Variants in GRIN3B observed in about 807,000 individuals in gnomAD.
The protein encoded by GRIN3B is glutamate receptor ionotropic, NMDA 3B.
In GRIN3B, 77 loss-of-function variants were observed where a neutral mutation model predicts 66.0. That is an observed-to-expected ratio of 1.17 (90% CI 0.97 to 1.41). The LOEUF is 1.41. Ranked by LOEUF, GRIN3B falls within the 40% of genes most tolerant of loss-of-function variation. GRIN3B has a pLI of 0.00. For missense variants in GRIN3B, 1,787 were observed against 1,564.5 expected (o/e 1.14, Z -2.40); for synonymous variants, 823 against 749.7 (o/e 1.10, Z -1.60).
rs770781127 is a variant in GRIN3B, at chr19:1,008,683, C to T, written c.2532C>T (p.Ser844=). 2.3e-5 allele frequency: 37 copies of T among 1,606,090 alleles called. No homozygotes were observed. In the African/African-American group the frequency reaches 3.1e-4, roughly 13 times the overall value. The change falls in exon 7 of 9, where the codon AGC becomes AGT. Residue 844 remains serine (S), a synonymous_variant. Coordinates refer to ENST00000234389, the MANE Select transcript of GRIN3B (RefSeq NM_138690.3). ...TGTTGCTGTGCCTGGGCCTGGGCAGCGCTCTGCTCAGCTCGCTGGGCGAGC... is the reference window on the plus strand; with the variant it reads ...TGTTGCTGTGCCTGGGCCTGGGCAGTGCTCTGCTCAGCTCGCTGGGCGAGC... ...LFVLLCLGLG[S]ALLSSLGEHA...
chr19:1,002,859 G>C, intron 1 of GRIN3B: 1 of 370,010 alleles, frequency 2.7e-6, no homozygotes, highest in Non-Finnish European at 4.9e-6. Context: ...TATTCCATCC[G>C]GGGAATGGCA....
At chr19:1,003,827 C>A in intron 2 of GRIN3B, 105 bp downstream of exon 2, 1 of 884,798 alleles carries the variant, frequency 1.1e-6, no homozygotes, top group Non-Finnish European at 1.6e-6. Context: ...TGGCTCACGC[C>A]TGTAATCCCA....
At chr19:1,004,450 T>A in intron 2 of GRIN3B, 71 bp from the exon 3 acceptor site, 2 of 1,355,418 alleles carry the variant, frequency 1.5e-6, no homozygotes, top group South Asian at 1.3e-5. Flanking sequence ...ATCGGGCACG[T>A]GCTGGGCAGG....
chr19:1,004,608 G>C lies in GRIN3B; in HGVS notation c.1107G>C (p.Lys369Asn), dbSNP rs763153384. ...AGGTACACATGTCTCGGCACTTTAA[G>C]GTGTGGAGCCTTCGCCGGGACCCAC... ...SSQVHMSRHF[K>N]VWSLRRDPRG... Residue 369 changes from lysine to asparagine, a missense_variant, in exon 3 of 9, where the codon AAG becomes AAC. Coordinates refer to ENST00000234389, the MANE Select transcript of GRIN3B (RefSeq NM_138690.3). 2.4e-5 allele frequency: 39 copies of C among 1,605,190 alleles called. No individual in the cohort carries two copies. The South Asian group carries it at 4.3e-4, about 18-fold the overall frequency.
chr19:1,007,816 G>A lies in GRIN3B; in HGVS notation c.2199-40G>A. 1 of 1,546,246 alleles carries A rather than the reference G, an allele frequency of 6.5e-7. No homozygotes were observed. Among genetic ancestry groups the A allele is most frequent in the Non-Finnish European group, 8.7e-7 (1 of 1,145,452 alleles). On this transcript the variant is annotated intron_variant, in intron 4 of 8. Coordinates refer to ENST00000234389, the MANE Select transcript of GRIN3B (RefSeq NM_138690.3). The surrounding 1 kb of genome is among the most constrained non-coding windows in gnomAD (Gnocchi z 4.4). ...GTGAGGCGGGGGCGGGGCGTGGGGT[G>A]GGCGGGGCGATGGCTGACCCCCGCC...
At position 1,000,537 on chromosome 19, in the gene GRIN3B, G is replaced by C. The variant is rs1599453756; in HGVS notation, c.100G>C (p.Gly34Arg). ...PQPCGVLARLGGSVRLGALLP... is the reference protein window; with the variant it reads ...PQPCGVLARLRGSVRLGALLP... ...GCCGTGCGGCGTCCTGGCGCGCCTC[G>C]GGGGCTCCGTGCGCCTGGGCGCCCT... Residue 34 changes from glycine (G) to arginine (R), a missense_variant, in exon 1 of 9, where the codon GGG (glycine) becomes CGG (arginine). Transcript: ENST00000234389. 1.7e-6 allele frequency: 2 copies of C among 1,159,952 alleles called. No homozygotes were observed. The highest frequency in any genetic ancestry group is 2.1e-6 in the Non-Finnish European group (2 of 942,282). 71.9% of individuals were successfully genotyped at this position (1,159,952 alleles called of 1,614,324 possible).
rs1415690789 is a variant in GRIN3B at position 1,007,989 on chromosome 19, G to C, written c.2314+18G>C. 1.2e-6 allele frequency: 2 copies of C among 1,608,700 alleles called. No homozygotes were observed. The highest frequency in any genetic ancestry group is 2.2e-5 in the East Asian group (1 of 44,852). On this transcript the variant is annotated intron_variant, in intron 5 of 8. Coordinates refer to ENST00000234389, the MANE Select transcript of GRIN3B (RefSeq NM_138690.3). This position sits in a 1 kb window ranked among gnomAD's most constrained non-coding sequence, Gnocchi z 4.4. ...CATTGAGGGTGAGAGGCACCTGGGC[G>C]AGGCGGGGCGCCGGGGTCTCTGGGG...
chr19:1,007,839 GC>G lies in GRIN3B; in HGVS notation c.2199-12del, dbSNP rs2038771991. ...GTGGGCGGGGCGATGGCTGACCCCC[GC>G]CCCCGGCCCCAGCAGGAGCGACCCC... On this transcript the variant is annotated splice_polypyrimidine_tract_variant and intron_variant, in intron 4 of 8. Coordinates refer to ENST00000234389, the MANE Select transcript of GRIN3B (RefSeq NM_138690.3). The surrounding 1 kb of genome is among the most constrained non-coding windows in gnomAD (Gnocchi z 4.4). The G allele has an allele frequency of 8.9e-6, 14 of 1,576,792 alleles. No homozygotes were observed. The highest frequency in any genetic ancestry group is 9.5e-6 in the Non-Finnish European group (11 of 1,158,984).
At chr19:1,008,019 C>T (rs1278088430) in intron 5 of GRIN3B, 48 bp downstream of exon 5, 2 of 1,595,778 alleles carry the variant, frequency 1.3e-6, no homozygotes, top group East Asian at 4.5e-5. Context: ...CTGGGGACCT[C>T]CTGGGGGCAG....
rs764935387 is a variant in GRIN3B, at chr19:1,003,229, C to T, written c.526C>T (p.Leu176=). 1 of 1,575,118 alleles carries T rather than the reference C, an allele frequency of 6.3e-7. No individual in the cohort carries two copies. Among genetic ancestry groups the T allele is most frequent in the South Asian group, 1.2e-5 (1 of 86,470 alleles). The part of the protein sequence containing the change: ...LQAHAWEDVG[L]ALCRTQDPGG... ...GGCGCACGCCTGGGAAGACGTCGGC[C>T]TGGCCCTGTGCCGCACTCAGGACCC... is the stretch of plus-strand genomic sequence containing the variant. The change falls in exon 2 of 9, where the codon CTG becomes TTG. Residue 176 remains leucine (L), a synonymous_variant. Coordinates refer to ENST00000234389, the MANE Select transcript of GRIN3B (RefSeq NM_138690.3).
rs1242542930 is a variant in GRIN3B at position 1,009,410 on chromosome 19, C to T, written c.2940C>T (p.Pro980=). ...PAARPTGAPQ[P]GELQELERRI... ...CAAGGCCCACGGGGGCCCCCCAGCC[C>T]GGGGAGCTGCAGGAGCTGGAGCGCC... The change falls in exon 9 of 9, where the codon CCC becomes CCT. Residue 980 remains proline, a synonymous_variant. Coordinates refer to ENST00000234389, the MANE Select transcript of GRIN3B (RefSeq NM_138690.3). 23 of 1,435,510 alleles carry T rather than the reference C, an allele frequency of 1.6e-5. No individual in the cohort carries two copies. In the Admixed American group the frequency reaches 2.6e-4, roughly 16 times the overall value. 88.9% of individuals were successfully genotyped at this position (1,435,510 alleles called of 1,614,324 possible).
At chr19:1,006,485 G>T (rs550260508) in intron 3 of GRIN3B, among the ~76,000 whole-genome samples, 2 of 151,544 alleles carry the variant, frequency 1.3e-5, no homozygotes, top group African/African-American at 4.8e-5. Flanking sequence ...TCTCACTCTT[G>T]CCCAGAGCTG....
Position 1,009,454 on chromosome 19 carries a change from AGCGGCTCCGCCAGGCCCTGGT to A in GRIN3B, c.2990_3010del (p.Leu997_Arg1003del). 2 of 1,475,176 alleles carry A rather than the reference AGCGGCTCCGCCAGGCCCTGGT, an allele frequency of 1.4e-6. No individual in the cohort carries two copies. Among genetic ancestry groups the A allele is most frequent in the South Asian group, 2.6e-5 (2 of 77,436 alleles). 91.4% of individuals were successfully genotyped at this position (1,475,176 alleles called of 1,614,324 possible). ...GAGCGCCGCATCGAAGTCGCGCGTGAGCGGCTCCGCCAGGCCCTGGTGCGGCGCGGCCAGCTCCTGGCACAG... is the reference window on the plus strand; with the variant it reads ...GAGCGCCGCATCGAAGTCGCGCGTGAGCGGCGCGGCCAGCTCCTGGCACAG... On this transcript the variant is annotated inframe_deletion, in exon 9 of 9. Transcript: ENST00000234389.
At position 1,004,998 on chromosome 19, in the gene GRIN3B, C is replaced by T. The variant is rs373453216; in HGVS notation, c.1497C>T (p.Leu499=). Residue 499 remains leucine (L), a synonymous_variant, in exon 3 of 9, where the codon CTC becomes CTT. Transcript: ENST00000234389. The part of the protein sequence containing the change: ...EDTPFDFELY[L]VGDGKYGALR... ...CGCCCTTCGACTTCGAGCTGTACCT[C>T]GTGGGTGACGGCAAGTACGGCGCCC... 66 of 1,612,034 alleles carry T rather than the reference C, an allele frequency of 4.1e-5. No homozygotes were observed. Among genetic ancestry groups the T allele is most frequent in the Non-Finnish European group, 5.4e-5 (64 of 1,179,612 alleles).
chr19:1,005,784 G>T lies in GRIN3B; in HGVS notation c.2052+231G>T, dbSNP rs1237984878. ...GGAGACCAAGGCAGGCAGATCACCT[G>T]AAGTCAGGAGTCTCGAACTGGAGCC... On this transcript the variant is annotated intron_variant, in intron 3 of 8. Transcript: ENST00000234389. The surrounding 1 kb of genome is among the most constrained non-coding windows in gnomAD (Gnocchi z 5.2). Among the ~76,000 whole-genome samples, 7 of 152,156 alleles carry T rather than the reference G, an allele frequency of 4.6e-5. No homozygotes were observed. The highest frequency in any genetic ancestry group is 4.6e-4 in the Admixed American group (7 of 15,284).
rs1051757443 is a variant in GRIN3B, at chr19:1,009,593, C to T, written c.3123C>T (p.Ser1041=). The T allele has an allele frequency of 2.8e-6, 4 of 1,434,610 alleles. No homozygotes were observed. In the African/African-American group the frequency reaches 6.0e-5, roughly 21 times the overall value. The allele number at this position is 1,434,610 out of a possible 1,614,324, so 88.9% of individuals were successfully genotyped here. Residue 1041 remains serine, a synonymous_variant, in exon 9 of 9, where the codon AGC becomes AGT. Coordinates refer to ENST00000234389, the MANE Select transcript of GRIN3B (RefSeq NM_138690.3). The part of the protein sequence containing the change: ...EAPPHSGRPG[S]QE ...CACCACACTCTGGCCGACCGGGGAG[C>T]CAGGAATGAGGCGGCAGCCGGGCCG...
intron 8 of GRIN3B, 80 bp downstream of exon 8, chr19:1,009,007 G>T: frequency 6.6e-7 from 1 of 1,523,410 alleles, no homozygotes; most frequent in Non-Finnish European, 8.9e-7. Context: ...AGCCGGCCGC[G>T]GGGTGCAGGA....
intron 1 of GRIN3B, among the ~76,000 whole-genome samples, chr19:1,001,639 C>T (rs1456115602): frequency 6.6e-6 from 1 of 152,018 alleles, no homozygotes; most frequent in Non-Finnish European, 1.5e-5. Flanking sequence ...CCTGGCTGAG[C>T]TCTATGCCCC....
At chr19:1,009,002 G>A in intron 8 of GRIN3B, 75 bp downstream of exon 8, 2 of 1,526,328 alleles carry the variant, frequency 1.3e-6, no homozygotes, top group Non-Finnish European at 1.8e-6. Context: ...CCCGAAGCCG[G>A]CCGCGGGGTG....
Sources: gnomAD v4.1 joint callset for allele counts (sites outside exome capture counted in the v4.1 genomes callset) on GRCh38, gnomAD v4.1.1 for gene constraint, Gnocchi (gnomAD v3.1) non-coding constraint, MANE v1.5 for transcripts, NCBI Gene and HGNC (gene_info 2026-07-23, HGNC 2026-07-21) for gene names.